Variants in BEND6 observed in about 807,000 individuals in gnomAD.
BEND6 encodes BEN domain-containing protein 6.
In BEND6, 24 loss-of-function variants were observed where a neutral mutation model predicts 31.8. That is an observed-to-expected ratio of 0.75 (90% CI 0.55 to 1.06). The LOEUF (loss-of-function observed/expected upper bound fraction) is 1.06, where lower values mean the gene tolerates loss of function less well. BEND6 is among the 50% of genes least tolerant of loss of function. The pLI is 0.00. For synonymous variants in BEND6, 109 were observed against 114.6 expected, an observed-to-expected ratio of 0.95 and a Z score of 0.31; for missense variants, 294 against 327.4, an observed-to-expected ratio of 0.90 and a Z score of 0.79.
At chr6:57,003,531 C>T (rs1487995365) in intron 3 of BEND6, among the ~76,000 whole-genome samples, 1 of 151,710 alleles carries the variant, frequency 6.6e-6, no homozygotes, top group African/African-American at 2.4e-5. Context: ...ACAACAACAA[C>T]AACAACAACA....
Position 56,992,428 on chromosome 6 carries a change from G to C in BEND6, c.171G>C (p.Glu57Asp). The C allele has an allele frequency of 6.2e-7, 1 of 1,614,028 alleles. No individual in the cohort carries two copies. Among genetic ancestry groups the C allele is most frequent in the Non-Finnish European group, 8.5e-7 (1 of 1,179,984 alleles). ...NAFLPGESSSEDEEPLAELSK... is the reference protein window; with the variant it reads ...NAFLPGESSSDDEEPLAELSK... ...TTCTGCCTGGTGAAAGCTCCAGTGA[G>C]GATGAAGAGCCTTTAGCAGAATTGT... The change falls in exon 3 of 7, where the codon GAG becomes GAC. Residue 57 changes from glutamate (E) to aspartate (D), a missense_variant. Glu to Asp is a conservative substitution (Grantham distance 45, BLOSUM62 2). Transcript: ENST00000370746.
intron 1 of BEND6, among the ~76,000 whole-genome samples, chr6:56,955,690 T>C (rs939316069): frequency 6.6e-6 from 1 of 152,186 alleles, no homozygotes; most frequent in Middle Eastern, 3.2e-3. Context: ...TCTTCTTGTA[T>C]CCCTGGGTTT....
chr6:56,986,332 G>A (rs1227686326), intron 2 of BEND6, among the ~76,000 whole-genome samples: 1 of 152,048 alleles, frequency 6.6e-6, no homozygotes, highest in Non-Finnish European at 1.5e-5. Context: ...CAGCTACTCG[G>A]GAGGCTAAGG....
intron 5 of BEND6, 140 bp downstream of exon 5, chr6:57,017,539 C>G: frequency 1.5e-6 from 1 of 663,602 alleles, no homozygotes; most frequent in Non-Finnish European, 2.1e-6. Flanking sequence ...GTCTAAAGCT[C>G]TCATTAAATA....
At chr6:57,000,959 G>C (rs1826916701) in intron 3 of BEND6, among the ~76,000 whole-genome samples, 1 of 145,894 alleles carries the variant, frequency 6.9e-6, no homozygotes, top group Non-Finnish European at 1.5e-5. Flanking sequence ...ATTCACTATA[G>C]CCACACTCCC....
chr6:57,019,705 A>G (rs1827677410), intron 6 of BEND6, among the ~76,000 whole-genome samples: 1 of 152,230 alleles, frequency 6.6e-6, no homozygotes, highest in African/African-American at 2.4e-5. Flanking sequence ...TCTTCCTGAA[A>G]CAAAAACATA....
intron 3 of BEND6, among the ~76,000 whole-genome samples, chr6:57,001,862 TTACAA>T (rs1185979119): frequency 1.3e-5 from 2 of 152,152 alleles, no homozygotes; most frequent in African/African-American, 4.8e-5. Flanking sequence ...GTTAACAACT[TTACAA>T]TAGGATCAAA....
intron 6 of BEND6, among the ~76,000 whole-genome samples, chr6:57,023,901 G>C (rs757110867): frequency 4.6e-5 from 7 of 152,038 alleles, no homozygotes; most frequent in Admixed American, 2.0e-4. Flanking sequence ...GTCTTCCTTT[G>C]TGGTTAAATG....
At chr6:57,015,111 G>A (rs746902395) in intron 3 of BEND6, 22 bp from the exon 4 acceptor site, 1 of 1,596,874 alleles carries the variant, frequency 6.3e-7, no homozygotes. Context: ...TTTGTAAAGT[G>A]TACTTTTTCT....
intron 3 of BEND6, among the ~76,000 whole-genome samples, chr6:56,997,659 T>C (rs763750627): frequency 6.6e-6 from 1 of 152,174 alleles, no homozygotes; most frequent in Non-Finnish European, 1.5e-5. Flanking sequence ...GTTCACGCCA[T>C]TCTCCTGCCT....
chr6:56,959,772 G>T (rs555581513), intron 1 of BEND6, among the ~76,000 whole-genome samples: 2 of 152,142 alleles, frequency 1.3e-5, no homozygotes, highest in South Asian at 4.1e-4. Context: ...TTATTTTACC[G>T]TAATAAAAAC....
intron 3 of BEND6, among the ~76,000 whole-genome samples, chr6:56,997,384 T>C (rs1826760458): frequency 6.6e-6 from 1 of 152,104 alleles, no homozygotes; most frequent in Non-Finnish European, 1.5e-5. Context: ...CTCTGTGTAA[T>C]CTATTATGTA....
At chr6:57,009,861 A>C (rs1369873915) in intron 3 of BEND6, 1 of 152,214 alleles carries the variant, frequency 6.6e-6, no homozygotes, top group Non-Finnish European at 1.5e-5. Flanking sequence ...CCAACTCATA[A>C]TTTTGAAAAT....
At chr6:57,011,732 A>G (rs1013466993) in intron 3 of BEND6, among the ~76,000 whole-genome samples, 23 of 144,424 alleles carry the variant, frequency 1.6e-4, no homozygotes, top group Middle Eastern at 3.5e-3. Flanking sequence ...AAAAAAAAAA[A>G]AAAGAAAAAA....
At chr6:57,024,053 A>C (rs1242818308) in intron 6 of BEND6, among the ~76,000 whole-genome samples, 1 of 152,226 alleles carries the variant, frequency 6.6e-6, no homozygotes, top group African/African-American at 2.4e-5. Flanking sequence ...TTTTATTACA[A>C]AGAAGTTTTA....
In BEND6 at chr6:57,017,385, TC is replaced by T; in HGVS notation, c.700del (p.Gln234LysfsTer4). On this transcript the variant is annotated frameshift_variant, in exon 5 of 7. Coordinates refer to ENST00000370746, the MANE Select transcript of BEND6 (RefSeq NM_152731.3). LOFTEE classifies it high-confidence loss of function. ...AAACCAGCTATGAATCAGAATGAAG[TC>T]CAAGAAATCATAGGTGATAATATGA... ...AVKPAMNQNE[V>X]QEIIGVTKQL... 7.4e-7 allele frequency: 1 copy of T among 1,357,194 alleles called. No homozygotes were observed. Among genetic ancestry groups the T allele is most frequent in the Non-Finnish European group, 9.5e-7 (1 of 1,047,348 alleles). 84.1% of individuals were successfully genotyped at this position (1,357,194 alleles called of 1,614,324 possible). A position where few individuals can be genotyped will look rare whatever the true frequency, so the allele number is the denominator to read the frequency against.
intron 1 of BEND6, among the ~76,000 whole-genome samples, chr6:56,977,024 A>G (rs1231695772): frequency 6.6e-6 from 1 of 152,256 alleles, no homozygotes; most frequent in Non-Finnish European, 1.5e-5. Context: ...TTTTCATCAC[A>G]GCAGAATTTC....
chr6:57,008,234 C>T (rs557066056), intron 3 of BEND6: 2 of 702,882 alleles, frequency 2.8e-6, no homozygotes, highest in East Asian at 5.4e-5. Flanking sequence ...AAACAGCTGC[C>T]TCTGTTACCT....
chr6:57,015,528 T>TG, intron 4 of BEND6, among the ~76,000 whole-genome samples, 175 bp downstream of exon 4: 1 of 151,560 alleles, frequency 6.6e-6, no homozygotes, highest in East Asian at 1.9e-4. Flanking sequence ...TGGCCAGGTG[T>TG]GGTGGCTCAC....
Sources: gnomAD v4.1 joint callset for allele counts (sites outside exome capture counted in the v4.1 genomes callset) on GRCh38, gnomAD v4.1.1 for gene constraint, MANE v1.5 for transcripts, NCBI Gene and HGNC (gene_info 2026-07-23, HGNC 2026-07-21) for gene names.